ANKRD12: variants seen among roughly 807,000 people sequenced by gnomAD.
ANKRD12 encodes the protein ankyrin repeat domain-containing protein 12.
ANKRD12 carries 85 observed loss-of-function variants against 183.4 expected under a neutral mutation model. The ratio of observed to expected loss-of-function variants is 0.46; its 90% CI spans 0.39 to 0.56. The LOEUF is 0.56. ANKRD12 is among the 20% of genes least tolerant of loss of function. The pLI is 0.00. For missense variants in ANKRD12, 2,405 were observed against 2,357.1 expected (o/e 1.02, Z -0.42); for synonymous variants, 914 against 800.2 (o/e 1.14, Z -2.40).
At chr18:9,158,099 G>A (rs540754642) in intron 1 of ANKRD12, among the ~76,000 whole-genome samples, 1 of 152,252 alleles carries the variant, frequency 6.6e-6, no homozygotes, top group South Asian at 2.1e-4. Context: ...AACCATCAGA[G>A]TTACCTGAGA....
At chr18:9,162,291 TGTG>T (rs755555610) in intron 1 of ANKRD12, among the ~76,000 whole-genome samples, 17 of 142,080 alleles carry the variant, frequency 1.2e-4, no homozygotes, top group Non-Finnish European at 2.1e-4. Context: ...AGTGAGAACA[TGTG>T]GTGTTTGGTT....
intron 1 of ANKRD12, among the ~76,000 whole-genome samples, chr18:9,142,046 G>A (rs949822243): frequency 6.6e-6 from 1 of 152,102 alleles, no homozygotes; most frequent in Non-Finnish European, 1.5e-5. Context: ...ACAGGTCTTA[G>A]CCACCTTACC....
chr18:9,148,184 CAGA>C (rs1359075489), intron 1 of ANKRD12, among the ~76,000 whole-genome samples: 1 of 152,080 alleles, frequency 6.6e-6, no homozygotes, highest in Non-Finnish European at 1.5e-5. Flanking sequence ...CTGTTAGGGC[CAGA>C]AGGTCAGTAA....
intron 7 of ANKRD12, among the ~76,000 whole-genome samples, chr18:9,218,922 A>G (rs998685112): frequency 2.6e-5 from 4 of 152,094 alleles, no homozygotes; most frequent in Admixed American, 2.6e-4. Context: ...CAGGCTCCCA[A>G]AGCGTTGGGA....
intron 5 of ANKRD12, among the ~76,000 whole-genome samples, chr18:9,210,747 G>T (rs564497639): frequency 0.016 from 883 of 56,386 alleles, 8 homozygotes; most frequent in Middle Eastern, 0.064. Flanking sequence ...AAATCCAAAA[G>T]ATGAACCTTA....
intron 1 of ANKRD12, among the ~76,000 whole-genome samples, chr18:9,159,334 T>TA (rs1391018575): frequency 2.6e-5 from 4 of 152,244 alleles, no homozygotes; most frequent in African/African-American, 7.2e-5. Context: ...TGTAATCCAT[T>TA]ACCACATTCT....
At chr18:9,259,102 C>T (rs1408688555) in intron 9 of ANKRD12, among the ~76,000 whole-genome samples, 171 bp downstream of exon 9, 5 of 152,130 alleles carry the variant, frequency 3.3e-5, no homozygotes, top group Admixed American at 2.6e-4. Flanking sequence ...CATTCCCCAA[C>T]TTTATTTTCC....
intron 8 of ANKRD12, among the ~76,000 whole-genome samples, chr18:9,227,378 T>A: frequency 6.6e-6 from 1 of 152,252 alleles, no homozygotes; most frequent in East Asian, 1.9e-4. Context: ...ATTCCCACCT[T>A]CCAGGTTATG....
At chr18:9,236,487 G>A (rs1009006628) in intron 8 of ANKRD12, among the ~76,000 whole-genome samples, 19 of 152,186 alleles carry the variant, frequency 1.2e-4, no homozygotes, top group Non-Finnish European at 2.2e-4. Context: ...CTCAGTTGAT[G>A]AAGTGGGGGA....
At chr18:9,157,551 G>GTGTGTA (rs751369527) in intron 1 of ANKRD12, among the ~76,000 whole-genome samples, 6 of 97,580 alleles carry the variant, frequency 6.1e-5, no homozygotes, top group African/African-American at 3.4e-4. Context: ...GTGTGTGTGG[G>GTGTGTA]TGTGTGTGTG....
At chr18:9,144,102 T>C (rs531195231) in intron 1 of ANKRD12, among the ~76,000 whole-genome samples, 1 of 152,360 alleles carries the variant, frequency 6.6e-6, no homozygotes, top group South Asian at 2.1e-4. Context: ...TTTTCTCTAC[T>C]GTGACTTGAC....
At chr18:9,261,315 G>A (rs922576475) in intron 9 of ANKRD12, among the ~76,000 whole-genome samples, 1 of 152,086 alleles carries the variant, frequency 6.6e-6, no homozygotes, top group African/African-American at 2.4e-5. Flanking sequence ...AATAAGTTTG[G>A]GAAGCACTGT....
intron 2 of ANKRD12, among the ~76,000 whole-genome samples, chr18:9,186,774 G>A (rs1407810382): frequency 2.2e-5 from 3 of 139,120 alleles, no homozygotes; most frequent in Admixed American, 7.4e-5. Flanking sequence ...TTTTTTTGAC[G>A]GAGTCTCGCT....
intron 1 of ANKRD12, among the ~76,000 whole-genome samples, chr18:9,167,075 T>G (rs995482924): frequency 6.6e-6 from 1 of 152,150 alleles, no homozygotes; most frequent in Admixed American, 6.5e-5. Context: ...CATTGGTCTA[T>G]ATCTCTGTTT....
At chr18:9,144,478 C>A (rs2078426412) in intron 1 of ANKRD12, among the ~76,000 whole-genome samples, 1 of 152,144 alleles carries the variant, frequency 6.6e-6, no homozygotes, top group Non-Finnish European at 1.5e-5. Context: ...TTTCCCCTCC[C>A]TATAGCTTTT....
chr18:9,220,222 T>G (rs2036344997), intron 7 of ANKRD12, among the ~76,000 whole-genome samples: 1 of 152,230 alleles, frequency 6.6e-6, no homozygotes, highest in Non-Finnish European at 1.5e-5. Context: ...ATTCATCTGT[T>G]TCATGTTATT....
intron 2 of ANKRD12, among the ~76,000 whole-genome samples, chr18:9,188,044 T>G (rs763797499): frequency 1.3e-5 from 2 of 152,138 alleles, no homozygotes; most frequent in African/African-American, 4.8e-5. Flanking sequence ...ACTGTGAAGG[T>G]TCTGAGATTT....
chr18:9,164,879 T>C lies in ANKRD12; in HGVS notation c.-51-17503T>C, dbSNP rs895221556. 3.3e-5 allele frequency among the ~76,000 whole-genome samples: 5 copies of C among 152,220 alleles called. No individual in the cohort carries two copies. In the East Asian group the frequency reaches 9.6e-4, roughly 29 times the overall value. ...TGAGAAGAATATATAATCTGTTGTT[T>C]TTGAGTGGAGCGTTCTGTAGATATC... On this transcript the variant is annotated intron_variant, in intron 1 of 12. Coordinates refer to ENST00000262126, the MANE Select transcript of ANKRD12 (RefSeq NM_015208.5).
chr18:9,236,869 T>C (rs549130707), intron 8 of ANKRD12, among the ~76,000 whole-genome samples: 97 of 152,280 alleles, frequency 6.4e-4, no homozygotes, highest in African/African-American at 2.1e-3. Flanking sequence ...TGACAAGTTA[T>C]GGGCAAAGAA....
Sources: gnomAD v4.1 joint callset for allele counts (sites outside exome capture counted in the v4.1 genomes callset) on GRCh38, gnomAD v4.1.1 for gene constraint, MANE v1.5 for transcripts, NCBI Gene and HGNC (gene_info 2026-07-23, HGNC 2026-07-21) for gene names.